PRPSAP1: variants seen among roughly 807,000 people sequenced by gnomAD.
PRPSAP1 encodes the protein phosphoribosyl pyrophosphate synthase-associated protein 1.
Under a neutral mutation model 39.4 loss-of-function variants are expected in PRPSAP1, and 31 were observed. The ratio of observed to expected loss-of-function variants is 0.79; its 90% CI spans 0.59 to 1.06. PRPSAP1 has a LOEUF of 1.06. PRPSAP1 is among the 50% of genes least tolerant of loss of function. The probability of loss-of-function intolerance (pLI) is 0.00; values close to 1 mark genes in which losing one functional copy is unlikely to be tolerated. For missense variants in PRPSAP1, 430 were observed against 511.6 expected (o/e 0.84, Z 1.54); for synonymous variants, 212 against 192.6 (o/e 1.10, Z -0.83).
At chr17:76,344,013 C>T (rs2071468579) in intron 3 of PRPSAP1, among the ~76,000 whole-genome samples, 1 of 152,036 alleles carries the variant, frequency 6.6e-6, no homozygotes, top group Non-Finnish European at 1.5e-5. Context: ...TGCAGTGGCG[C>T]GATCTCAGCT....
Position 76,353,582 on chromosome 17 carries a change from G to A in PRPSAP1, c.122C>T (p.Ser41Leu), listed in dbSNP as rs2143566761. 6.4e-7 allele frequency: 1 copy of A among 1,562,932 alleles called. No homozygotes were observed. Among genetic ancestry groups the A allele is most frequent in the East Asian group, 2.5e-5 (1 of 40,318 alleles). The change falls in exon 1 of 10, where the codon TCG (serine) becomes TTG (leucine). Residue 41 changes from serine to leucine, a missense_variant. Ser to Leu is a moderately radical substitution (Grantham distance 145). Transcript: ENST00000446526. Reference protein sequence around the residue: ...NAARTGYRVFSANSTAACTEL... With the variant: ...NAARTGYRVFLANSTAACTEL... Reference sequence around the variant, plus strand: ...CGTGCAGGCGGCCGTGGAGTTGGCCGAGAAGACTCGGTAGCCGGTGCGAGC... The same window carrying A: ...CGTGCAGGCGGCCGTGGAGTTGGCCAAGAAGACTCGGTAGCCGGTGCGAGC...
rs1254839689 is a variant in PRPSAP1, at chr17:76,328,766, G to T, written c.732C>A (p.Ser244=). The change falls in exon 7 of 10, where the codon TCC becomes TCA. Residue 244 remains serine, a synonymous_variant. Transcript: ENST00000446526. ...CAGTAGCATTTTTGACCATAGGCGG[G>T]GAGTGACGACCATCGTCCATGTCCA... ...TELDMDDGRH[S]PPMVKNATVH... is the part of the protein sequence containing the mutation. 2 of 1,614,132 alleles carry T rather than the reference G, an allele frequency of 1.2e-6. No individual in the cohort carries two copies. Among genetic ancestry groups the T allele is most frequent in the South Asian group, 2.2e-5 (2 of 91,084 alleles).
intron 3 of PRPSAP1, 120 bp from the exon 4 acceptor site, chr17:76,332,555 C>A: frequency 8.8e-7 from 1 of 1,138,244 alleles, no homozygotes; most frequent in African/African-American, 1.6e-5. Context: ...TTTACCATCA[C>A]ACTAGCTTAC....
chr17:76,349,433 C>G (rs2071544508), intron 1 of PRPSAP1, among the ~76,000 whole-genome samples: 1 of 151,894 alleles, frequency 6.6e-6, no homozygotes. Context: ...ACTCTTTTTA[C>G]AAGTGAAATG....
At chr17:76,343,129 A>G (rs530208422) in intron 3 of PRPSAP1, among the ~76,000 whole-genome samples, 3 of 152,372 alleles carry the variant, frequency 2.0e-5, no homozygotes, top group South Asian at 2.1e-4. Context: ...GCACACTGGT[A>G]GCACTCAGTG....
chr17:76,347,484 CAAAAAAA>C (rs71161289), intron 2 of PRPSAP1, among the ~76,000 whole-genome samples: 12 of 25,218 alleles, frequency 4.8e-4, no homozygotes, highest in Non-Finnish European at 5.8e-4. Flanking sequence ...AAGACTCCGT[CAAAAAAA>C]AAAAAAAAAA....
chr17:76,346,615 T>A (rs2071503704), intron 2 of PRPSAP1, among the ~76,000 whole-genome samples: 1 of 152,224 alleles, frequency 6.6e-6, no homozygotes, highest in Admixed American at 6.6e-5. Flanking sequence ...GATCTTCAGA[T>A]AAACTCTGCC....
intron 3 of PRPSAP1, among the ~76,000 whole-genome samples, chr17:76,333,511 G>A (rs1567804617): frequency 6.6e-6 from 1 of 151,984 alleles, no homozygotes. Flanking sequence ...CAGGTGTGGT[G>A]GCACGTGCCT....
At chr17:76,327,383 G>A (rs546558036) in intron 7 of PRPSAP1, among the ~76,000 whole-genome samples, 120 of 151,494 alleles carry the variant, frequency 7.9e-4, no homozygotes, top group Non-Finnish European at 1.3e-3. Flanking sequence ...GGCCGGGCAC[G>A]GTGGCTCACA....
At position 76,328,784 on chromosome 17, in the gene PRPSAP1, C is replaced by T; in HGVS notation, c.714G>A (p.Met238Ile). ...TAGGCGGGGAGTGACGACCATCGTC[C>T]ATGTCCAGTTCCGTGCACTGAGCTT... ...HGEAQCTELD[M>I]DDGRHSPPMV... The change falls in exon 7 of 10, where the codon ATG becomes ATA. Residue 238 changes from methionine to isoleucine, a missense_variant. Physicochemically the swap from Met to Ile is conservative, Grantham distance 10 (BLOSUM62 1). Around this residue, in one of 2 missense-constraint regions of PRPSAP1, gnomAD observed 278 missense variants for 376.3 expected, o/e 0.74. Transcript: ENST00000446526. 2 of 1,614,118 alleles carry T rather than the reference C, an allele frequency of 1.2e-6. No individual in the cohort carries two copies. The highest frequency in any genetic ancestry group is 1.7e-6 in the Non-Finnish European group (2 of 1,180,024).
intron 7 of PRPSAP1, among the ~76,000 whole-genome samples, chr17:76,315,709 T>C: frequency 1.0e-5 from 1 of 100,262 alleles, no homozygotes; most frequent in Non-Finnish European, 2.1e-5. Context: ...GCTTTTTTTT[T>C]TTTTTTTTTT....
chr17:76,354,171 CCTCCGAGGAGGTATACGATCTAG>C (rs1165199962), upstream of PRPSAP1: 98 of 989,368 alleles, frequency 9.9e-5, no homozygotes, highest in Non-Finnish European at 1.1e-4. Flanking sequence ...AACATGTCCG[CCTCCGAGGAGGTATACGATCTAG>C]CTCTGCATGT....
At chr17:76,326,406 A>G (rs2071256780) in intron 7 of PRPSAP1, among the ~76,000 whole-genome samples, 1 of 152,196 alleles carries the variant, frequency 6.6e-6, no homozygotes. Flanking sequence ...GAGGAAAAAA[A>G]AAAGAGTAAC....
At chr17:76,330,510 C>G (rs377010212) in intron 5 of PRPSAP1, 41 bp downstream of exon 5, 2 of 1,414,502 alleles carry the variant, frequency 1.4e-6, no homozygotes, top group African/African-American at 1.5e-5. Flanking sequence ...TAAATAAGAT[C>G]TCTTTTGAGG....
chr17:76,334,650 A>AC (rs1240507255), intron 3 of PRPSAP1, among the ~76,000 whole-genome samples: 2 of 149,034 alleles, frequency 1.3e-5, no homozygotes, highest in Non-Finnish European at 3.0e-5. Context: ...AAAAACAAAA[A>AC]ATGTCTCCCT....
chr17:76,347,402 G>C (rs923861603), intron 2 of PRPSAP1, among the ~76,000 whole-genome samples: 5 of 145,910 alleles, frequency 3.4e-5, no homozygotes, highest in Admixed American at 1.4e-4. Flanking sequence ...CAAGAGGATT[G>C]CTTGAACCTG....
rs1391464343 is a variant in PRPSAP1 at position 76,311,354 on chromosome 17, A to G, written c.*188T>C. 9 of 564,656 alleles carry G rather than the reference A, an allele frequency of 1.6e-5. 1 individual carries two copies. In the East Asian group the frequency reaches 2.2e-4, roughly 14 times the overall value. The allele number at this position is 564,656 out of a possible 1,614,324, so 35.0% of individuals were successfully genotyped here. A position where few individuals can be genotyped will look rare whatever the true frequency, so the allele number is the denominator to read the frequency against. ...AGCAGACATGTAAGGCCATGTTATG[A>G]TATTTATCCATTAGCTCTGTCTTCT... On this transcript the variant is annotated 3_prime_UTR_variant, in exon 10 of 10. Transcript: ENST00000446526.
chr17:76,327,024 T>G (rs1193918103), intron 7 of PRPSAP1, among the ~76,000 whole-genome samples: 1 of 152,106 alleles, frequency 6.6e-6, no homozygotes, highest in Non-Finnish European at 1.5e-5. Context: ...CAACTTTAAG[T>G]CTAAAGTCAG....
intron 3 of PRPSAP1, among the ~76,000 whole-genome samples, chr17:76,341,114 AGAG>A (rs1162304191): frequency 6.6e-6 from 1 of 152,252 alleles, no homozygotes; most frequent in Non-Finnish European, 1.5e-5. Flanking sequence ...CTCATGTGCC[AGAG>A]GAGAACTGCT....
Sources: gnomAD v4.1 joint callset for allele counts (sites outside exome capture counted in the v4.1 genomes callset) on GRCh38, gnomAD v4.1.1 for gene constraint, gnomAD v4.1.1 regional missense constraint, MANE v1.5 for transcripts, NCBI Gene and HGNC (gene_info 2026-07-23, HGNC 2026-07-21) for gene names.